FANCB: variants seen among roughly 807,000 people sequenced by gnomAD.
FANCB encodes the protein FA complementation group B.
Under a neutral mutation model 38.9 loss-of-function variants are expected in FANCB, and 5 were observed. That is an observed-to-expected ratio of 0.13 (90% CI 0.07 to 0.27). FANCB has a LOEUF of 0.27. Among genes scored for constraint, FANCB ranks in the 10% least tolerant of loss-of-function variants. FANCB has a pLI of 1.00. For missense variants in FANCB, 573 were observed against 602.7 expected (o/e 0.95, Z 0.52); for synonymous variants, 236 against 215.4 (o/e 1.10, Z -0.84).
the FANCB span, among the ~76,000 whole-genome samples, chrX:14,694,649 A>T: frequency 8.9e-6 from 1 of 111,973 alleles, no homozygotes; most frequent in Non-Finnish European, 1.9e-5. Context: ...AGAATGAAGG[A>T]AAGTGGTTAG....
At chrX:14,732,872 CTTTAG>C in the FANCB span, among the ~76,000 whole-genome samples, 2 of 111,959 alleles carry the variant, frequency 1.8e-5, no homozygotes, top group Non-Finnish European at 3.8e-5. Flanking sequence ...TGCAGGAGCT[CTTTAG>C]TTTAATTAGA....
chrX:14,690,840 G>A, the FANCB span: 1 of 1,209,308 alleles, frequency 8.3e-7, no homozygotes, highest in Non-Finnish European at 1.1e-6. Flanking sequence ...CTCCGAAGAA[G>A]ACAGAAGAGG....
chrX:14,758,814 A>C, the FANCB span, among the ~76,000 whole-genome samples: 1 of 111,586 alleles, frequency 9.0e-6, no homozygotes, highest in Non-Finnish European at 1.9e-5. Context: ...GACAAAACAA[A>C]GTTCTTTAGC....
At chrX:14,850,449 T>C in intron 7 of FANCB, 56 bp downstream of exon 7, 8 of 928,885 alleles carry the variant, frequency 8.6e-6, no homozygotes, top group Non-Finnish European at 1.3e-5. Context: ...TAATTTCTAT[T>C]GGACAGTACT....
chrX:14,755,495 C>T, the FANCB span, among the ~76,000 whole-genome samples: 3 of 111,616 alleles, frequency 2.7e-5, no homozygotes, highest in Non-Finnish European at 5.7e-5. Flanking sequence ...AACATTTCTA[C>T]GTACCAGTAC....
the FANCB span, among the ~76,000 whole-genome samples, chrX:14,752,967 T>C: frequency 4.3e-5 from 4 of 93,759 alleles, no homozygotes; most frequent in South Asian, 1.0e-3. Context: ...GCTCTCTCTC[T>C]CTCTCTCTCT....
At chrX:14,809,716 G>T in the FANCB span, among the ~76,000 whole-genome samples, 1 of 112,803 alleles carries the variant, frequency 8.9e-6, no homozygotes, top group Non-Finnish European at 1.9e-5. Flanking sequence ...GCTCAAGGAG[G>T]CCTGCCTGCC....
the FANCB span, among the ~76,000 whole-genome samples, chrX:14,758,247 C>G: frequency 9.0e-6 from 1 of 111,269 alleles, no homozygotes; most frequent in African/African-American, 3.3e-5. Context: ...CTCAGACAAG[C>G]CTAACCTTTC....
the FANCB span, among the ~76,000 whole-genome samples, chrX:14,724,441 A>G: frequency 9.2e-6 from 1 of 108,755 alleles, no homozygotes; most frequent in Admixed American, 1.0e-4. Flanking sequence ...GCCTGGCCAA[A>G]ATGGTAAAAC....
Position 14,865,317 on chromosome X carries a change from A to T in FANCB, c.194T>A (p.Phe65Tyr), listed in dbSNP as rs758372962. ...KVFVQKSTGFFTIKEENSHLK... is the reference protein window; with the variant it reads ...KVFVQKSTGFYTIKEENSHLK... Reference sequence around the variant, plus strand: ...ATGAGAGTTTTCTTCCTTTATGGTAAAAAATCCAGTGGACTTCTGAACAAA... The same window carrying T: ...ATGAGAGTTTTCTTCCTTTATGGTATAAAATCCAGTGGACTTCTGAACAAA... The change falls in exon 3 of 10, where the codon TTT (phenylalanine) becomes TAT (tyrosine). Residue 65 changes from phenylalanine to tyrosine, a missense_variant. Phe to Tyr is a conservative substitution (Grantham distance 22). Coordinates refer to ENST00000650831, the MANE Select transcript of FANCB (RefSeq NM_001018113.3). 3.4e-6 allele frequency: 4 copies of T among 1,170,759 alleles called. No individual in the cohort carries two copies. In the South Asian group the frequency reaches 7.9e-5, roughly 23 times the overall value.
chrX:14,870,058 TACTC>T (rs1006273665), intron 1 of FANCB, among the ~76,000 whole-genome samples: 7 of 112,364 alleles, frequency 6.2e-5, no homozygotes, highest in South Asian at 3.6e-4. Context: ...ATCTAAGTAA[TACTC>T]AATCATTAAA....
the FANCB span, among the ~76,000 whole-genome samples, chrX:14,796,397 G>A: frequency 1.2e-5 from 1 of 80,983 alleles, no homozygotes; most frequent in African/African-American, 4.4e-5. Context: ...CACACACATA[G>A]GATATACATA....
chrX:14,784,425 T>C, the FANCB span, among the ~76,000 whole-genome samples: 1 of 111,140 alleles, frequency 9.0e-6, no homozygotes, highest in East Asian at 2.8e-4. Flanking sequence ...CCTTCTCCCA[T>C]CTCCAAAACC....
the FANCB span, among the ~76,000 whole-genome samples, chrX:14,810,354 G>A: frequency 1.8e-5 from 2 of 112,106 alleles, no homozygotes; most frequent in Non-Finnish European, 3.8e-5. Flanking sequence ...GGCTTCAGAC[G>A]ATCAAACTAC....
At chrX:14,804,499 G>A in the FANCB span, among the ~76,000 whole-genome samples, 16 of 111,268 alleles carry the variant, frequency 1.4e-4, no homozygotes, top group East Asian at 2.6e-3. Context: ...TGAGGGGAGC[G>A]GGGAGGGATA....
chrX:14,795,022 C>T, the FANCB span, among the ~76,000 whole-genome samples: 4 of 111,805 alleles, frequency 3.6e-5, no homozygotes, highest in South Asian at 1.5e-3. Context: ...ATTGAGAAGT[C>T]AAGAACACTT....
the FANCB span, among the ~76,000 whole-genome samples, chrX:14,801,793 C>T: frequency 9.1e-6 from 1 of 110,456 alleles, no homozygotes; most frequent in East Asian, 2.9e-4. Flanking sequence ...GTTCATGTAG[C>T]CACCCTTCTA....
the FANCB span, among the ~76,000 whole-genome samples, chrX:14,724,147 CGTATATGTATATGTGT>C: frequency 9.0e-6 from 1 of 111,274 alleles, no homozygotes; most frequent in East Asian, 2.8e-4. Context: ...TATATGCATT[CGTATATGTATATGTGT>C]GTATATGTAT....
At chrX:14,811,675 G>C in the FANCB span, among the ~76,000 whole-genome samples, 1 of 111,583 alleles carries the variant, frequency 9.0e-6, no homozygotes, top group Non-Finnish European at 1.9e-5. Context: ...AGGAAGTCCT[G>C]AGTGACCTAC....
Sources: allele counts gnomAD v4.1 joint callset (sites outside exome capture counted in the v4.1 genomes callset), GRCh38; gene constraint gnomAD v4.1.1; transcripts MANE v1.5; gene names NCBI Gene and HGNC (gene_info 2026-07-23, HGNC 2026-07-21).